Variants in KLHL7 observed in about 807,000 individuals in gnomAD.
KLHL7 encodes kelch like family member 7.
A neutral mutation model predicts 67.4 loss-of-function variants in KLHL7; 44 were observed. That is an observed-to-expected ratio of 0.65 (90% CI 0.51 to 0.84). The LOEUF (loss-of-function observed/expected upper bound fraction) is 0.84, where lower values mean the gene tolerates loss of function less well. Among genes scored for constraint, KLHL7 ranks in the 40% least tolerant of loss-of-function variants. KLHL7 has a pLI of 0.00. For missense variants in KLHL7, 362 were observed against 718.1 expected, an observed-to-expected ratio of 0.50 and a Z score of 5.67; for synonymous variants, 252 against 243.3, an observed-to-expected ratio of 1.04 and a Z score of -0.33.
intron 6 of KLHL7, among the ~76,000 whole-genome samples, chr7:23,149,119 C>G (rs183131112): frequency 6.6e-6 from 1 of 152,182 alleles, no homozygotes; most frequent in Non-Finnish European, 1.5e-5. Flanking sequence ...AAATGAATTA[C>G]AAAATACAAA....
At chr7:23,140,379 C>A (rs1222958423) in intron 4 of KLHL7, among the ~76,000 whole-genome samples, 1 of 152,038 alleles carries the variant, frequency 6.6e-6, no homozygotes, top group Non-Finnish European at 1.5e-5. Context: ...ACGGTGAAAC[C>A]CCGTCTCTAC....
At chr7:23,117,081 C>CTTTTTTTTTTTTTTTTTTTTT (rs34692665) in intron 1 of KLHL7, among the ~76,000 whole-genome samples, 2 of 68,216 alleles carry the variant, frequency 2.9e-5, no homozygotes, top group African/African-American at 5.8e-5. Flanking sequence ...AGAGCCAGGC[C>CTTTTTTTTTTTTTTTTTTTTT]TTTTTTTTTT....
intron 1 of KLHL7, among the ~76,000 whole-genome samples, chr7:23,120,745 T>C (rs1445991886): frequency 6.6e-6 from 1 of 152,128 alleles, no homozygotes; most frequent in East Asian, 1.9e-4. Context: ...TTTTTATTTT[T>C]AGTAGAGTCA....
intron 4 of KLHL7, among the ~76,000 whole-genome samples, chr7:23,127,565 T>C (rs1338831134): frequency 1.3e-5 from 2 of 152,122 alleles, no homozygotes; most frequent in African/African-American, 4.8e-5. Context: ...GTCAATTCTC[T>C]GCTGCCCAGA....
chr7:23,140,578 C>A (rs5882886), intron 4 of KLHL7, 191 bp from the exon 5 acceptor site: 29 of 607,378 alleles, frequency 4.8e-5, no homozygotes, highest in South Asian at 1.4e-4. Flanking sequence ...AAACAAAAAA[C>A]AAAAAAAAAA....
At chr7:23,131,356 GA>G (rs940656049) in intron 4 of KLHL7, among the ~76,000 whole-genome samples, 1 of 151,934 alleles carries the variant, frequency 6.6e-6, no homozygotes, top group Admixed American at 6.6e-5. Context: ...TATTTTGGTA[GA>G]AAAAAACTTA....
At chr7:23,123,611 CTG>C (rs1190907344) in intron 1 of KLHL7, among the ~76,000 whole-genome samples, 164 bp from the exon 2 acceptor site, 1 of 152,152 alleles carries the variant, frequency 6.6e-6, no homozygotes, top group Non-Finnish European at 1.5e-5. Context: ...GGCAGCGACT[CTG>C]TAAGTCCTTT....
chr7:23,121,876 A>G (rs1045954698), intron 1 of KLHL7, among the ~76,000 whole-genome samples: 4 of 151,430 alleles, frequency 2.6e-5, no homozygotes, highest in Admixed American at 1.3e-4. Context: ...TAGAGGCGGG[A>G]TTTCACTGTG....
chr7:23,153,231 G>T (rs1013072866), intron 7 of KLHL7, among the ~76,000 whole-genome samples: 1 of 142,192 alleles, frequency 7.0e-6, no homozygotes, highest in African/African-American at 2.7e-5. Context: ...CGGCGGGGGG[G>T]CTACAACGCT....
At chr7:23,117,422 T>G (rs1186166729) in intron 1 of KLHL7, among the ~76,000 whole-genome samples, 1 of 152,120 alleles carries the variant, frequency 6.6e-6, no homozygotes. Flanking sequence ...CTTCTATTCC[T>G]GTTTGGTCCA....
intron 10 of KLHL7, 62 bp downstream of exon 10, chr7:23,173,107 A>G: frequency 8.9e-7 from 1 of 1,122,146 alleles, no homozygotes; most frequent in Non-Finnish European, 1.4e-6. Context: ...TCCTTAAATT[A>G]TTGAAGCATT....
intron 1 of KLHL7, among the ~76,000 whole-genome samples, chr7:23,115,582 C>T (rs1353521412): frequency 6.6e-6 from 1 of 151,396 alleles, no homozygotes; most frequent in Non-Finnish European, 1.5e-5. Flanking sequence ...CTCGCTCTGT[C>T]GTCCAGGCTG....
intron 6 of KLHL7, among the ~76,000 whole-genome samples, chr7:23,148,517 C>T (rs1784434126): frequency 6.6e-6 from 1 of 151,934 alleles, no homozygotes; most frequent in African/African-American, 2.4e-5. Context: ...TCTTTAAATG[C>T]AGAGAGGAAA....
chr7:23,107,733 C>G (rs1562544918), intron 1 of KLHL7, among the ~76,000 whole-genome samples: 1 of 152,166 alleles, frequency 6.6e-6, no homozygotes, highest in Admixed American at 6.5e-5. Context: ...GGTGAACAAC[C>G]AGGGGTCCCC....
intron 9 of KLHL7, chr7:23,171,219 C>G (rs1469072758): frequency 3.2e-6 from 1 of 310,790 alleles, no homozygotes; most frequent in Admixed American, 3.8e-5. Context: ...CTTCAGATTG[C>G]AGATAGCGGG....
chr7:23,162,394 ATAAAT>A (rs573515151), intron 7 of KLHL7, among the ~76,000 whole-genome samples: 2 of 152,352 alleles, frequency 1.3e-5, no homozygotes, highest in East Asian at 1.9e-4. Flanking sequence ...TCAATAACTA[ATAAAT>A]TAATAGTAGC....
chr7:23,163,720 T>C (rs1784917083), intron 7 of KLHL7, among the ~76,000 whole-genome samples: 1 of 152,218 alleles, frequency 6.6e-6, no homozygotes. Context: ...ACTTTATACA[T>C]GGATGTGTCC....
chr7:23,153,375 G>A (rs1187937392), intron 7 of KLHL7, among the ~76,000 whole-genome samples: 1 of 152,180 alleles, frequency 6.6e-6, no homozygotes, highest in Non-Finnish European at 1.5e-5. Flanking sequence ...AGTGAATTAA[G>A]TGAAGGGCTA....
intron 4 of KLHL7, among the ~76,000 whole-genome samples, chr7:23,127,142 A>G (rs758597009): frequency 5.9e-5 from 9 of 152,234 alleles, no homozygotes; most frequent in Admixed American, 2.6e-4. Flanking sequence ...GTATGTTTCT[A>G]TAACTCCCTA....
Sources: allele counts gnomAD v4.1 joint callset (sites outside exome capture counted in the v4.1 genomes callset), GRCh38; gene constraint gnomAD v4.1.1; transcripts MANE v1.5; gene names NCBI Gene and HGNC (gene_info 2026-07-23, HGNC 2026-07-21).